GRID2: variants seen among roughly 807,000 people sequenced by gnomAD.
The protein encoded by GRID2 is glutamate receptor ionotropic, delta-2.
Under a neutral mutation model 114.8 loss-of-function variants are expected in GRID2, and 33 were observed. The ratio of observed to expected loss-of-function variants is 0.29; its 90% CI spans 0.22 to 0.38. The LOEUF (loss-of-function observed/expected upper bound fraction) is 0.38, where lower values mean the gene tolerates loss of function less well. GRID2 is among the 10% of genes least tolerant of loss of function. The probability of loss-of-function intolerance (pLI) is 1.00; values close to 1 mark genes in which losing one functional copy is unlikely to be tolerated. For synonymous variants in GRID2, 505 were observed against 449.9 expected (o/e 1.12, Z -1.55); for missense variants, 1,184 against 1,257.7 (o/e 0.94, Z 0.89).
chr4:93,504,307 G>C (rs901583575), intron 12 of GRID2, among the ~76,000 whole-genome samples: 2 of 152,018 alleles, frequency 1.3e-5, no homozygotes, highest in African/African-American at 4.8e-5. Context: ...ATGCAAGGTA[G>C]TGATCAATAA....
intron 11 of GRID2, among the ~76,000 whole-genome samples, chr4:93,463,292 T>G (rs1291602663): frequency 1.3e-5 from 2 of 152,190 alleles, no homozygotes; most frequent in African/African-American, 4.8e-5. Flanking sequence ...TGCCATGATT[T>G]TAAGCTGTGA....
chr4:92,745,357 T>G (rs1737098436), intron 2 of GRID2, among the ~76,000 whole-genome samples: 1 of 152,244 alleles, frequency 6.6e-6, no homozygotes, highest in Non-Finnish European at 1.5e-5. Flanking sequence ...TCATAAATTA[T>G]AAAGCTATTT....
Position 92,649,045 on chromosome 4 carries a change from T to C in GRID2, c.244+58759T>C, listed in dbSNP as rs1456779335. ...ACAAGTTTACAAATATATATATATA[T>C]ATATAATATATATATAACTAACCAC... On this transcript the variant is annotated intron_variant, in intron 2 of 15. Transcript: ENST00000282020. Among the ~76,000 whole-genome samples, 2 of 103,550 alleles carry C rather than the reference T, an allele frequency of 1.9e-5. 1 individual carries two copies. Among genetic ancestry groups the C allele is most frequent in the African/African-American group, 8.7e-5 (2 of 22,924 alleles). The allele number at this position is 103,550 out of a possible 152,430, so 67.9% of individuals were successfully genotyped here.
chr4:92,977,526 G>C (rs1213339072), intron 2 of GRID2, among the ~76,000 whole-genome samples: 1 of 152,136 alleles, frequency 6.6e-6, no homozygotes, highest in Non-Finnish European at 1.5e-5. Context: ...AAAAAATATA[G>C]ATTTTATTCA....
At chr4:93,150,402 C>A (rs2149396248) in intron 4 of GRID2, among the ~76,000 whole-genome samples, 1 of 152,216 alleles carries the variant, frequency 6.6e-6, no homozygotes, top group African/African-American at 2.4e-5. Flanking sequence ...AGTGTGGACA[C>A]AACAGGTAGC....
chr4:93,554,327 A>G (rs1734086582), intron 13 of GRID2, among the ~76,000 whole-genome samples: 1 of 152,096 alleles, frequency 6.6e-6, no homozygotes, highest in African/African-American at 2.4e-5. Context: ...AATTCTCATT[A>G]CACTTTGGAT....
chr4:93,414,957 G>A (rs2149357890), intron 9 of GRID2, among the ~76,000 whole-genome samples: 1 of 151,920 alleles, frequency 6.6e-6, no homozygotes, highest in South Asian at 2.1e-4. Context: ...ATATTTGTGT[G>A]GCTTTCTGCT....
At chr4:93,201,639 T>C (rs1742117533) in intron 4 of GRID2, among the ~76,000 whole-genome samples, 1 of 152,236 alleles carries the variant, frequency 6.6e-6, no homozygotes, top group African/African-American at 2.4e-5. Flanking sequence ...GGTTGAGTGA[T>C]AAACAGCATG....
At chr4:92,684,002 C>A (rs1560530984) in intron 2 of GRID2, among the ~76,000 whole-genome samples, 2 of 151,600 alleles carry the variant, frequency 1.3e-5, no homozygotes, top group South Asian at 2.1e-4. Context: ...AATATTACCT[C>A]AAATAAATAG....
intron 2 of GRID2, among the ~76,000 whole-genome samples, chr4:92,848,574 T>C (rs1183937415): frequency 2.6e-5 from 4 of 151,926 alleles, no homozygotes; most frequent in Non-Finnish European, 1.5e-5. Context: ...TCGGAGGCCT[T>C]GGAGTGGCCT....
intron 3 of GRID2, among the ~76,000 whole-genome samples, chr4:93,094,152 GA>G (rs1190766120): frequency 3.3e-5 from 5 of 151,622 alleles, no homozygotes; most frequent in South Asian, 2.1e-4. Flanking sequence ...CTTGCTTCAG[GA>G]AAAAAAGGGT....
In GRID2 at chr4:93,226,686, T is replaced by TA. The variant is rs376949264; in HGVS notation, c.1125+1912dup. 4.9e-3 allele frequency among the ~76,000 whole-genome samples: 750 copies of TA among 152,256 alleles called. 7 individuals are homozygous for TA. Among genetic ancestry groups the TA allele is most frequent in the African/African-American group, 0.017 (723 of 41,552 alleles). The stretch of plus-strand genomic sequence containing the variant: ...TCCATAGCTCCAGTAGTCATTGCCC[T>TA]AGTGGAAACTCTTTGTGGCAAGTCC... On this transcript the variant is annotated intron_variant, in intron 7 of 15. Coordinates refer to ENST00000282020, the MANE Select transcript of GRID2 (RefSeq NM_001510.4).
intron 13 of GRID2, among the ~76,000 whole-genome samples, chr4:93,604,804 G>A (rs969752478): frequency 7.2e-5 from 11 of 152,210 alleles, no homozygotes; most frequent in Admixed American, 5.2e-4. Flanking sequence ...TGAGATGATT[G>A]TTAGCAGTTT....
At chr4:93,367,726 G>A (rs548623131) in intron 8 of GRID2, among the ~76,000 whole-genome samples, 7 of 152,240 alleles carry the variant, frequency 4.6e-5, no homozygotes, top group African/African-American at 1.7e-4. Context: ...ATTAATTTGA[G>A]TTGGCTTGAA....
At chr4:93,340,104 G>A (rs1383839563) in intron 8 of GRID2, among the ~76,000 whole-genome samples, 2 of 152,132 alleles carry the variant, frequency 1.3e-5, no homozygotes, top group Non-Finnish European at 2.9e-5. Flanking sequence ...TCCCAAAGGT[G>A]TGTCTAACTG....
At chr4:92,890,556 C>A (rs1375747038) in intron 2 of GRID2, among the ~76,000 whole-genome samples, 1 of 152,092 alleles carries the variant, frequency 6.6e-6, no homozygotes, top group Non-Finnish European at 1.5e-5. Context: ...AATCAAACCA[C>A]AATGAGATGC....
rs147507909 is a variant in GRID2, at chr4:93,270,924, C to T, written c.1245+32434C>T. ...GATTACAGGCGTGAGCCACCGTGCC[C>T]GGCCCATAATATGTATTTTCTATAG... On this transcript the variant is annotated intron_variant, in intron 8 of 15. Transcript: ENST00000282020. 5.5e-3 allele frequency among the ~76,000 whole-genome samples: 831 copies of T among 152,198 alleles called. 12 individuals are homozygous for T. The highest frequency in any genetic ancestry group is 0.019 in the African/African-American group (782 of 41,528).
intron 13 of GRID2, among the ~76,000 whole-genome samples, chr4:93,590,080 G>T (rs1738034416): frequency 2.0e-5 from 3 of 150,458 alleles, no homozygotes. Flanking sequence ...TGTCAGTTTT[G>T]TCTTTTGTTG....
chr4:92,411,649 G>GTATATACATATATATA (rs1320090236), intron 1 of GRID2, among the ~76,000 whole-genome samples: 2 of 94,922 alleles, frequency 2.1e-5, no homozygotes, highest in Non-Finnish European at 4.2e-5. Flanking sequence ...GTGTGTGTGT[G>GTATATACATATATATA]TGTGTGTATA....
Sources: gnomAD v4.1 joint callset for allele counts (sites outside exome capture counted in the v4.1 genomes callset) on GRCh38, gnomAD v4.1.1 for gene constraint, MANE v1.5 for transcripts, NCBI Gene and HGNC (gene_info 2026-07-23, HGNC 2026-07-21) for gene names.